TAOK1: variants seen among roughly 807,000 people sequenced by gnomAD.
TAOK1 encodes the protein TAO kinase 1, also known as serine/threonine-protein kinase TAO1.
Under a neutral mutation model 138.3 loss-of-function variants are expected in TAOK1, and 21 were observed. The ratio of observed to expected loss-of-function variants is 0.15; its 90% CI spans 0.11 to 0.22. TAOK1 has a LOEUF of 0.22. Ranked by LOEUF, TAOK1 falls within the 10% of genes least tolerant of loss-of-function variation. The pLI is 1.00. For synonymous variants in TAOK1, 361 were observed against 398.4 expected (o/e 0.91, Z 1.12); for missense variants, 651 against 1,227.7 (o/e 0.53, Z 7.02).
intron 17 of TAOK1, among the ~76,000 whole-genome samples, chr17:29,528,817 G>A (rs1244285022): frequency 1.8e-5 from 2 of 110,998 alleles, no homozygotes; most frequent in Non-Finnish European, 3.3e-5. Flanking sequence ...TCCAGCCTGA[G>A]CAACAGAATG....
intron 1 of TAOK1, among the ~76,000 whole-genome samples, chr17:29,408,471 C>T (rs1905056246): frequency 6.6e-6 from 1 of 152,040 alleles, no homozygotes; most frequent in Non-Finnish European, 1.5e-5. Flanking sequence ...TTGCTTTGGC[C>T]TCCCAAACTG....
intron 1 of TAOK1, among the ~76,000 whole-genome samples, chr17:29,421,087 G>A (rs896066034): frequency 1.1e-4 from 16 of 151,928 alleles, no homozygotes; most frequent in Middle Eastern, 3.4e-3. Context: ...CCATCACCAC[G>A]CCCAGCTAAT....
chr17:29,448,103 C>T (rs1175466893), intron 1 of TAOK1, among the ~76,000 whole-genome samples: 1 of 149,956 alleles, frequency 6.7e-6, no homozygotes, highest in African/African-American at 2.5e-5. Flanking sequence ...TTTTTTCTTA[C>T]TGCTTTGCAT....
intron 8 of TAOK1, among the ~76,000 whole-genome samples, chr17:29,484,712 C>A (rs2031132841): frequency 6.6e-6 from 1 of 152,090 alleles, no homozygotes; most frequent in African/African-American, 2.4e-5. Context: ...TCAAGGGATT[C>A]TCCTGCCTTA....
At chr17:29,440,966 T>C (rs548490918) in intron 1 of TAOK1, among the ~76,000 whole-genome samples, 190 of 152,348 alleles carry the variant, frequency 1.2e-3, no homozygotes, top group African/African-American at 3.9e-3. Context: ...TCCCTTCATT[T>C]TGATAAAGTG....
chr17:29,482,692 G>C (rs1011963574), intron 8 of TAOK1, among the ~76,000 whole-genome samples: 1 of 151,188 alleles, frequency 6.6e-6, no homozygotes, highest in Non-Finnish European at 1.5e-5. Flanking sequence ...ATGTCAGACT[G>C]TCATACCTAC....
At chr17:29,508,845 G>T (rs1198052922) in intron 14 of TAOK1, among the ~76,000 whole-genome samples, 1 of 152,056 alleles carries the variant, frequency 6.6e-6, no homozygotes, top group Admixed American at 6.6e-5. Flanking sequence ...TTTTTGTTAT[G>T]TGAAACCTTT....
intron 1 of TAOK1, among the ~76,000 whole-genome samples, chr17:29,408,161 C>T (rs1257641541): frequency 1.3e-5 from 2 of 151,970 alleles, no homozygotes; most frequent in Admixed American, 6.6e-5. Context: ...AAGTGATACT[C>T]CTGCCTCAGC....
intron 1 of TAOK1, among the ~76,000 whole-genome samples, chr17:29,404,548 T>G (rs1399176492): frequency 1.3e-5 from 2 of 152,108 alleles, no homozygotes; most frequent in African/African-American, 2.4e-5. Flanking sequence ...TCCCAGCACT[T>G]TGGGAGACTG....
In TAOK1 at chr17:29,530,962, A is replaced by ATTTTTT. The variant is rs66788063; in HGVS notation, c.2361+355_2361+360dup. Among the ~76,000 whole-genome samples, 21 of 96,192 alleles carry ATTTTTT rather than the reference A, an allele frequency of 2.2e-4. 3 individuals carry two copies. Among genetic ancestry groups the ATTTTTT allele is most frequent in the African/African-American group, 6.5e-4 (15 of 22,940 alleles). The allele number at this position is 96,192 out of a possible 152,430, so 63.1% of individuals were successfully genotyped here. A position where few individuals can be genotyped will look rare whatever the true frequency, so the allele number is the denominator to read the frequency against. On this transcript the variant is annotated intron_variant, in intron 18 of 19. Transcript: ENST00000261716. ...TGGTTGTGTTTGAGTACAAGTACAA[A>ATTTTTT]TTTTTTTTTTTTTTTTTGAGACGGA...
intron 12 of TAOK1, among the ~76,000 whole-genome samples, chr17:29,500,757 G>C (rs2031508386): frequency 6.6e-6 from 1 of 151,248 alleles, no homozygotes; most frequent in African/African-American, 2.4e-5. Context: ...AAAAAAAACT[G>C]TGGTTTTTAC....
At chr17:29,400,463 G>A (rs1904806499) in intron 1 of TAOK1, among the ~76,000 whole-genome samples, 1 of 151,112 alleles carries the variant, frequency 6.6e-6, no homozygotes, top group Admixed American at 6.6e-5. Flanking sequence ...GAAAAATTTG[G>A]TATCCCTCTT....
chr17:29,522,923 A>T (rs1288031909), intron 17 of TAOK1, among the ~76,000 whole-genome samples: 1 of 152,086 alleles, frequency 6.6e-6, no homozygotes, highest in Admixed American at 6.6e-5. Flanking sequence ...AAAAATACAA[A>T]AATTAGTTGG....
intron 10 of TAOK1, among the ~76,000 whole-genome samples, chr17:29,494,464 C>G (rs2031369861): frequency 6.6e-6 from 1 of 151,824 alleles, no homozygotes; most frequent in Non-Finnish European, 1.5e-5. Flanking sequence ...GGCTGTGATT[C>G]ATAGTTACAA....
At chr17:29,494,017 AGTGATTCTCGTG>A (rs2031360059) in intron 10 of TAOK1, among the ~76,000 whole-genome samples, 2 of 151,962 alleles carry the variant, frequency 1.3e-5, no homozygotes, top group African/African-American at 4.8e-5. Flanking sequence ...CTGAGGTTCA[AGTGATTCTCGTG>A]CCTCAGCCGC....
chr17:29,528,046 T>TTGTGTG (rs534707475), intron 17 of TAOK1, among the ~76,000 whole-genome samples: 1 of 151,626 alleles, frequency 6.6e-6, no homozygotes, highest in Non-Finnish European at 1.5e-5. Context: ...TTTGTTTGTT[T>TTGTGTG]TGTGTGTGTG....
At chr17:29,438,693 GACAA>G (rs2153023223) in intron 1 of TAOK1, among the ~76,000 whole-genome samples, 1 of 152,240 alleles carries the variant, frequency 6.6e-6, no homozygotes, top group South Asian at 2.1e-4. Flanking sequence ...TCTCAAAACA[GACAA>G]ACAAATAAAG....
chr17:29,461,807 G>A (rs895409297), intron 2 of TAOK1, among the ~76,000 whole-genome samples: 1 of 151,862 alleles, frequency 6.6e-6, no homozygotes, highest in Non-Finnish European at 1.5e-5. Context: ...ATTCAGGTTA[G>A]GACCATCCCA....
chr17:29,397,740 C>T (rs536255526), intron 1 of TAOK1, among the ~76,000 whole-genome samples: 25 of 102,470 alleles, frequency 2.4e-4, no homozygotes, highest in Middle Eastern at 5.1e-3. Context: ...CATATATACA[C>T]GTATATATAC....
Sources: gnomAD v4.1 joint callset for allele counts (sites outside exome capture counted in the v4.1 genomes callset) on GRCh38, gnomAD v4.1.1 for gene constraint, MANE v1.5 for transcripts, NCBI Gene and HGNC (gene_info 2026-07-23, HGNC 2026-07-21) for gene names.